The following GLT8D2 variants were observed in gnomAD, a reference collection of about 807,000 sequenced individuals.
GLT8D2 encodes the protein glycosyltransferase 8 domain containing 2.
GLT8D2 carries 45 observed loss-of-function variants against 44.5 expected under a neutral mutation model. The observed-to-expected ratio is 1.01, with a 90% CI of 0.80 to 1.30. The LOEUF (loss-of-function observed/expected upper bound fraction) is 1.30. Ranked by LOEUF, GLT8D2 falls within the 50% of genes most tolerant of loss-of-function variation. GLT8D2 has a pLI of 0.00. For missense variants in GLT8D2, 400 were observed against 430.4 expected (o/e 0.93, Z 0.62); for synonymous variants, 156 against 157.2 (o/e 0.99, Z 0.06).
chr12:104,019,917 A>C (rs1877404095), intron 2 of GLT8D2, among the ~76,000 whole-genome samples: 1 of 151,990 alleles, frequency 6.6e-6, no homozygotes, highest in African/African-American at 2.4e-5. Flanking sequence ...TTGTCTTCAG[A>C]AGTTCTTTCT....
rs1442967790 is a variant in GLT8D2, at chr12:104,021,909, GA to G, written c.-163-419del. On this transcript the variant is annotated intron_variant, in intron 1 of 10. Transcript: ENST00000360814. ...AGAAGAAGAAGAAGAAGAAGAAGAA[GA>G]AGAAGAAGAAGAAGAAGAAGAAGAA... is the stretch of plus-strand genomic sequence containing the variant. Among the ~76,000 whole-genome samples the G allele has an allele frequency of 6.6e-3, 99 of 15,002 alleles. 4 individuals are homozygous for G. In the East Asian group the frequency reaches 0.15, roughly 23 times the overall value. The allele number at this position is 15,002 out of a possible 152,430, so 9.8% of individuals were successfully genotyped here.
At chr12:104,057,507 AC>A (rs1356068164) in intron 1 of GLT8D2, among the ~76,000 whole-genome samples, 2 of 146,164 alleles carry the variant, frequency 1.4e-5, no homozygotes, top group Admixed American at 6.8e-5. Flanking sequence ...GGTGACAAAG[AC>A]CCTGTCTCAA....
intron 1 of GLT8D2, among the ~76,000 whole-genome samples, chr12:104,021,987 G>A (rs533310100): frequency 7.1e-5 from 3 of 42,444 alleles, no homozygotes; most frequent in African/African-American, 3.8e-4. Context: ...GGAAGAGGAA[G>A]AAGAAGAAGA....
At chr12:104,055,080 A>G (rs1882062851), upstream of GLT8D2, among the ~76,000 whole-genome samples, 2 of 152,222 alleles carry the variant, frequency 1.3e-5, no homozygotes, top group South Asian at 4.1e-4. Flanking sequence ...GAAGGGCAAC[A>G]AGAGAGAGTG....
chr12:104,031,314 A>G, intron 1 of GLT8D2: 1 of 1,582,928 alleles, frequency 6.3e-7, no homozygotes, highest in East Asian at 2.3e-5. Flanking sequence ...AAGGAGGGGA[A>G]ACGTGTACTG....
chr12:103,989,608 C>G (rs1872459725), intron 10 of GLT8D2, 31 bp from the exon 11 acceptor site: 2 of 1,526,982 alleles, frequency 1.3e-6, no homozygotes, highest in Non-Finnish European at 8.9e-7. Flanking sequence ...AAATAATAGG[C>G]TTGTTAGAGA....
At chr12:104,012,751 CTTAA>C (rs1243481729) in intron 4 of GLT8D2, 6 of 689,892 alleles carry the variant, frequency 8.7e-6, no homozygotes, top group Non-Finnish European at 1.6e-5. Flanking sequence ...TGTCCATGCA[CTTAA>C]TTGCCTTTAA....
At chr12:104,019,312 GA>G (rs1877322406) in intron 3 of GLT8D2, among the ~76,000 whole-genome samples, 1 of 151,892 alleles carries the variant, frequency 6.6e-6, no homozygotes, top group South Asian at 2.1e-4. Context: ...ATTTTTTGTA[GA>G]GATGGGGTCT....
At chr12:104,014,808 C>T (rs914407094) in intron 4 of GLT8D2, among the ~76,000 whole-genome samples, 1 of 152,216 alleles carries the variant, frequency 6.6e-6, no homozygotes, top group African/African-American at 2.4e-5. Flanking sequence ...CCATGTGACT[C>T]TCACACATGC....
intron 1 of GLT8D2, among the ~76,000 whole-genome samples, chr12:104,033,764 A>G (rs1030416878): frequency 6.7e-6 from 1 of 148,516 alleles, no homozygotes; most frequent in African/African-American, 2.5e-5. Flanking sequence ...CCTTGAAAAT[A>G]TATATATATG....
upstream of GLT8D2, chr12:104,064,334 T>C (rs1487085537): frequency 4.6e-6 from 2 of 437,016 alleles, no homozygotes; most frequent in Non-Finnish European, 8.0e-6. This position sits in a 1 kb window ranked among gnomAD's most constrained non-coding sequence, Gnocchi z 7.3. Context: ...TAAGGTGCGT[T>C]GCTCCGGGTG....
At chr12:104,028,263 T>G (rs944413919) in intron 1 of GLT8D2, among the ~76,000 whole-genome samples, 6 of 152,126 alleles carry the variant, frequency 3.9e-5, no homozygotes, top group African/African-American at 1.2e-4. Flanking sequence ...AACAGAAAGT[T>G]TGCTTTAAAA....
intron 2 of GLT8D2, 113 bp from the exon 3 acceptor site, chr12:104,019,789 T>C (rs187920936): frequency 4.9e-6 from 3 of 612,266 alleles, no homozygotes; most frequent in East Asian, 3.2e-5. Flanking sequence ...AAGTGTGTGA[T>C]CATTTTTTAC....
At chr12:103,994,931 C>A (rs1254922738) in intron 8 of GLT8D2, among the ~76,000 whole-genome samples, 1 of 152,184 alleles carries the variant, frequency 6.6e-6, no homozygotes, top group Non-Finnish European at 1.5e-5. Context: ...ACCTGCCCCA[C>A]CTCAGTCAGT....
chr12:104,013,699 T>G (rs1449089785), intron 4 of GLT8D2, among the ~76,000 whole-genome samples: 1 of 151,928 alleles, frequency 6.6e-6, no homozygotes, highest in African/African-American at 2.4e-5. Context: ...AGTCCCTAAG[T>G]GTCTGACTGA....
intron 3 of GLT8D2, among the ~76,000 whole-genome samples, chr12:104,016,644 A>G (rs60033863): frequency 0.029 from 4,217 of 147,436 alleles, 160 homozygotes; most frequent in East Asian, 0.14. Context: ...AAAAGAAAGA[A>G]GGAGAGAAAG....
intron 1 of GLT8D2, among the ~76,000 whole-genome samples, chr12:104,037,180 T>G (rs1369209232): frequency 6.6e-6 from 1 of 152,146 alleles, no homozygotes; most frequent in Non-Finnish European, 1.5e-5. Context: ...AGAGGGAAAT[T>G]TATAGCACTA....
At chr12:104,020,362 T>C (rs978902754) in intron 2 of GLT8D2, among the ~76,000 whole-genome samples, 1 of 152,140 alleles carries the variant, frequency 6.6e-6, no homozygotes, top group African/African-American at 2.4e-5. Context: ...CTATCATAAC[T>C]TCGTTCCTCG....
At chr12:104,046,655 G>A (rs1881180183) in intron 1 of GLT8D2, among the ~76,000 whole-genome samples, 1 of 152,162 alleles carries the variant, frequency 6.6e-6, no homozygotes, top group South Asian at 2.1e-4. Context: ...TTTAAGCTAT[G>A]CAAGCTACAA....
Sources: gnomAD v4.1 joint callset for allele counts (sites outside exome capture counted in the v4.1 genomes callset) on GRCh38, gnomAD v4.1.1 for gene constraint, Gnocchi (gnomAD v3.1) non-coding constraint, MANE v1.5 for transcripts, NCBI Gene and HGNC (gene_info 2026-07-23, HGNC 2026-07-21) for gene names.